The following OR51B5 variants were observed in gnomAD, a reference collection of about 807,000 sequenced individuals.
The protein encoded by OR51B5 is olfactory receptor 51B5.
For synonymous variants in OR51B5, 186 were observed against 144.8 expected (o/e 1.28, Z -2.04); for missense variants, 456 against 374.6 (o/e 1.22, Z -1.79).
chr11:5,476,634 G>A (rs1235203647), intron 1 of OR51B5, among the ~76,000 whole-genome samples: 2 of 152,194 alleles, frequency 1.3e-5, no homozygotes, highest in African/African-American at 4.8e-5. Flanking sequence ...AGAACTGTAA[G>A]ACTTTTCACA....
intron 1 of OR51B5, chr11:5,383,684 G>A (rs908464443): frequency 6.6e-6 from 1 of 152,192 alleles, no homozygotes; most frequent in Admixed American, 6.5e-5. Context: ...TTCAGCTTCA[G>A]GAGACAGGGG....
exon 1 of OR51B5, chr11:5,342,737 C>A: frequency 6.2e-7 from 1 of 1,613,820 alleles, no homozygotes; most frequent in Non-Finnish European, 8.5e-7. Context: ...AACCTGCTTT[C>A]CAAAACGATG....
chr11:5,368,235 T>G (rs1422916713), intron 1 of OR51B5, among the ~76,000 whole-genome samples: 4 of 152,262 alleles, frequency 2.6e-5, no homozygotes, highest in African/African-American at 9.6e-5. Flanking sequence ...TACAGTCTTA[T>G]GCAGTAGTTT....
intron 1 of OR51B5, among the ~76,000 whole-genome samples, chr11:5,420,961 C>T (rs1589987069): frequency 6.6e-6 from 1 of 152,154 alleles, no homozygotes; most frequent in African/African-American, 2.4e-5. Context: ...AGCTCTCTTG[C>T]CCCTGTAAAC....
At chr11:5,422,642 T>A in intron 1 of OR51B5, 1 of 1,614,144 alleles carries the variant, frequency 6.2e-7, no homozygotes, top group Non-Finnish European at 8.5e-7. Flanking sequence ...TAGAACTGGG[T>A]TAGCCATCAT....
Position 5,439,317 on chromosome 11 carries a change from C to T in OR51B5, n.84+66252G>A, listed in dbSNP as rs944107054. Among the ~76,000 whole-genome samples the T allele has an allele frequency of 9.9e-5, 15 of 152,224 alleles. No individual in the cohort carries two copies. In the South Asian group the frequency reaches 2.7e-3, roughly 27 times the overall value. ...TATTTCTGTCTTCCACCTGCACTGT[C>T]TCATGGAGATATTAAGGTTATAAAT... On this transcript the variant is annotated intron_variant and non_coding_transcript_variant, in intron 1 of 4. Coordinates refer to the OR51B5 transcript ENST00000415970.
At chr11:5,370,267 A>C (rs1359429986) in intron 1 of OR51B5, among the ~76,000 whole-genome samples, 1 of 152,188 alleles carries the variant, frequency 6.6e-6, no homozygotes, top group Non-Finnish European at 1.5e-5. Context: ...TAATGCTATG[A>C]AATATTAAAT....
chr11:5,488,935 A>G (rs202165183), intron 1 of OR51B5: 103 of 1,613,882 alleles, frequency 6.4e-5, no homozygotes, highest in Non-Finnish European at 7.0e-5. Flanking sequence ...CCTGGCTCTC[A>G]GTTCTACCAC....
intron 1 of OR51B5, among the ~76,000 whole-genome samples, chr11:5,413,430 G>T (rs375400218): frequency 3.3e-5 from 5 of 152,186 alleles, no homozygotes; most frequent in Admixed American, 2.6e-4. Context: ...AACAAAGCTG[G>T]ACAGAGAATG....
chr11:5,400,858 C>A (rs77018563), intron 1 of OR51B5, among the ~76,000 whole-genome samples: 1 of 152,160 alleles, frequency 6.6e-6, no homozygotes, highest in Admixed American at 6.5e-5. Context: ...ATAACCATTA[C>A]GGAATAGTGA....
At chr11:5,358,308 T>G (rs901658605) in intron 1 of OR51B5, among the ~76,000 whole-genome samples, 26 of 151,446 alleles carry the variant, frequency 1.7e-4, no homozygotes, top group East Asian at 3.9e-4. Context: ...TGATAAAGGG[T>G]ATATCACCAC....
intron 1 of OR51B5, chr11:5,390,153 C>A: frequency 6.2e-7 from 1 of 1,613,894 alleles, no homozygotes; most frequent in Non-Finnish European, 8.5e-7. Context: ...GCCTTTCAGA[C>A]ATGCACCGCT....
upstream of OR51B5, among the ~76,000 whole-genome samples, chr11:5,348,069 C>G (rs192709725): frequency 3.3e-5 from 5 of 151,142 alleles, no homozygotes; most frequent in African/African-American, 1.2e-4. Flanking sequence ...ACAGAGAGAT[C>G]GAAGCTGATT....
intron 1 of OR51B5, among the ~76,000 whole-genome samples, chr11:5,446,786 G>A (rs1046971187): frequency 6.6e-6 from 1 of 152,286 alleles, no homozygotes; most frequent in East Asian, 1.9e-4. Context: ...ACAGAAACAT[G>A]CAGAGCCAAC....
At chr11:5,481,513 A>G (rs1381736283) in intron 1 of OR51B5, among the ~76,000 whole-genome samples, 1 of 145,744 alleles carries the variant, frequency 6.9e-6, no homozygotes, top group African/African-American at 2.7e-5. Flanking sequence ...GGCCAGGGCA[A>G]TTAGGCAGGA....
At chr11:5,384,806 T>C (rs1319357556) in intron 1 of OR51B5, among the ~76,000 whole-genome samples, 3 of 152,204 alleles carry the variant, frequency 2.0e-5, no homozygotes, top group Non-Finnish European at 1.5e-5. Flanking sequence ...TTCCCCAGTA[T>C]CCAGGATATG....
rs1306176299 is a variant in OR51B5, at chr11:5,480,688, C to T, written n.84+24881G>A. On this transcript the variant is annotated intron_variant and non_coding_transcript_variant, in intron 1 of 4. Coordinates refer to the OR51B5 transcript ENST00000415970. ...TGATAAAGGGGATATCACCACCGAT[C>T]CCACAGAAATACAAACTACCATCAG... Among the ~76,000 whole-genome samples the T allele has an allele frequency of 4.0e-5, 6 of 151,364 alleles. No homozygotes were observed. The East Asian group carries it at 9.7e-4, about 25-fold the overall frequency.
At chr11:5,471,627 C>A (rs1851230464) in intron 1 of OR51B5, among the ~76,000 whole-genome samples, 1 of 124,218 alleles carries the variant, frequency 8.1e-6, no homozygotes. Context: ...CAGAGCAAGA[C>A]TCTGTCTCAA....
intron 1 of OR51B5, among the ~76,000 whole-genome samples, chr11:5,415,794 A>C (rs1311331768): frequency 3.3e-5 from 5 of 152,184 alleles, no homozygotes; most frequent in African/African-American, 9.7e-5. Flanking sequence ...ATAGATTACC[A>C]ACTGAAAAGA....
Sources: allele counts gnomAD v4.1 joint callset (sites outside exome capture counted in the v4.1 genomes callset), GRCh38; gene constraint gnomAD v4.1.1; transcripts MANE v1.5; gene names NCBI Gene and HGNC (gene_info 2026-07-23, HGNC 2026-07-21).